The following DTNB variants were observed in gnomAD, a reference collection of about 807,000 sequenced individuals.
DTNB encodes the protein dystrobrevin beta.
A neutral mutation model predicts 90.7 loss-of-function variants in DTNB; 63 were observed. The observed-to-expected ratio is 0.69, with a 90% CI of 0.57 to 0.86. DTNB has a LOEUF of 0.86. Ranked by LOEUF, DTNB falls within the 40% of genes least tolerant of loss-of-function variation. DTNB has a pLI of 0.00. For missense variants in DTNB, 744 were observed against 807.1 expected (o/e 0.92, Z 0.95); for synonymous variants, 277 against 286.7 (o/e 0.97, Z 0.34).
intron 9 of DTNB, among the ~76,000 whole-genome samples, chr2:25,525,328 C>G (rs987609091): frequency 4.6e-5 from 7 of 152,154 alleles, no homozygotes; most frequent in Non-Finnish European, 7.4e-5. Context: ...ACAGTTTTAT[C>G]TACAATGTTT....
intron 8 of DTNB, among the ~76,000 whole-genome samples, chr2:25,542,562 C>T (rs1166883093): frequency 6.6e-6 from 1 of 152,158 alleles, no homozygotes; most frequent in Non-Finnish European, 1.5e-5. Context: ...CTCATTACTT[C>T]CTACAGAATC....
Position 25,628,312 on chromosome 2 carries a change from GT to G in DTNB, c.220del (p.Thr74ProfsTer19). 1 of 1,613,732 alleles carries G rather than the reference GT, an allele frequency of 6.2e-7. No homozygotes were observed. On this transcript the variant is annotated frameshift_variant, in exon 4 of 21. Transcript: ENST00000406818. LOFTEE classifies it high-confidence loss of function. Reference protein sequence around the residue: ...DNGLNTLDHTTEISVSRLETV... With the variant: ...DNGLNTLDHTXEISVSRLETV... ...TTCGAGGCGGGACACACTGATCTCG[GT>G]GGTATGGTCCAGTGTATTAAGGCCA...
At chr2:25,589,209 C>A (rs1052324087) in intron 6 of DTNB, among the ~76,000 whole-genome samples, 1 of 152,120 alleles carries the variant, frequency 6.6e-6, no homozygotes, top group Non-Finnish European at 1.5e-5. Context: ...ACAATTGCCA[C>A]TGCCTCCGTG....
intron 16 of DTNB, among the ~76,000 whole-genome samples, chr2:25,403,138 CAG>C (rs1377301540): frequency 6.6e-6 from 1 of 152,048 alleles, no homozygotes; most frequent in African/African-American, 2.4e-5. Flanking sequence ...TTTTTTGAGA[CAG>C]AGTCTTGCTC....
At chr2:25,638,571 C>T (rs1343533384) in intron 3 of DTNB, among the ~76,000 whole-genome samples, 1 of 152,168 alleles carries the variant, frequency 6.6e-6, no homozygotes, top group East Asian at 1.9e-4. Context: ...CAGACACACA[C>T]ACACTTTATT....
At chr2:25,618,194 T>C (rs1354509786) in intron 4 of DTNB, among the ~76,000 whole-genome samples, 2 of 152,096 alleles carry the variant, frequency 1.3e-5, no homozygotes, top group South Asian at 2.1e-4. Context: ...AGAGGAAGCA[T>C]TACTTTTGCT....
intron 2 of DTNB, among the ~76,000 whole-genome samples, chr2:25,647,737 G>A (rs2079824720): frequency 1.3e-5 from 2 of 150,596 alleles, no homozygotes; most frequent in Non-Finnish European, 3.0e-5. Context: ...CCAACCAACT[G>A]ATCAATAAAA....
At chr2:25,481,741 T>C (rs1378199201) in intron 10 of DTNB, 1 of 152,242 alleles carries the variant, frequency 6.6e-6, no homozygotes, top group East Asian at 1.9e-4. Context: ...ACTTGCTTGA[T>C]GATAAGAATC....
chr2:25,557,955 CAAG>C (rs1055119649), intron 8 of DTNB, among the ~76,000 whole-genome samples: 1 of 152,116 alleles, frequency 6.6e-6, no homozygotes, highest in Admixed American at 6.5e-5. Context: ...TTAACCTAAA[CAAG>C]AAGAACGAGC....
At chr2:25,570,587 C>T (rs2059719052) in intron 8 of DTNB, among the ~76,000 whole-genome samples, 1 of 152,168 alleles carries the variant, frequency 6.6e-6, no homozygotes, top group Non-Finnish European at 1.5e-5. Context: ...CATTGTTAGA[C>T]AAAGGGTCAG....
chr2:25,535,911 T>A (rs113776453), intron 8 of DTNB, among the ~76,000 whole-genome samples: 6,995 of 111,784 alleles, frequency 0.063, 286 homozygotes, highest in Non-Finnish European at 0.085. Flanking sequence ...TCACCTCCCA[T>A]TCGGGACAGC....
rs1245745385 is a variant in DTNB, at chr2:25,648,532, TA to T, written c.67+4061del. 6.6e-5 allele frequency among the ~76,000 whole-genome samples: 10 copies of T among 152,286 alleles called. No homozygotes were observed. The South Asian group carries it at 1.4e-3, about 22-fold the overall frequency. On this transcript the variant is annotated intron_variant, in intron 2 of 20. Transcript: ENST00000406818. ...ACCCCCTGAATCTAAAAGTTACAAT[TA>T]TTTTTTTAAAAAGAGCTCCAAAAGG...
chr2:25,455,126 T>C (rs2059814015), intron 11 of DTNB, among the ~76,000 whole-genome samples: 1 of 152,134 alleles, frequency 6.6e-6, no homozygotes, highest in Admixed American at 6.6e-5. Context: ...CGATCCCTCA[T>C]AGGTTTATAT....
chr2:25,645,849 T>G (rs1004536135), intron 2 of DTNB, among the ~76,000 whole-genome samples: 3 of 152,210 alleles, frequency 2.0e-5, no homozygotes, highest in African/African-American at 7.2e-5. Flanking sequence ...ATAAGCTATA[T>G]TTTAATTGAT....
chr2:25,388,317 G>A lies in DTNB; in HGVS notation c.1620C>T (p.Gly540=), dbSNP rs748755697. ...GCACTGGCATGGGCATTGGCCGGCC[G>A]CCTCCATGGGTGGGCGATGTATGTG... ...GSPHTSPTHG[G]GRPMPMPVRS... Residue 540 remains glycine (G), a synonymous_variant, in exon 17 of 21, where the codon GGC becomes GGT. Coordinates refer to ENST00000406818, the MANE Select transcript of DTNB (RefSeq NM_021907.5). 24 of 1,613,028 alleles carry A rather than the reference G, an allele frequency of 1.5e-5. No homozygotes were observed. The Admixed American group carries it at 2.8e-4, about 19-fold the overall frequency.
chr2:25,431,205 A>T (rs1041738527), intron 14 of DTNB, among the ~76,000 whole-genome samples: 8 of 147,778 alleles, frequency 5.4e-5, no homozygotes, highest in African/African-American at 1.2e-4. Flanking sequence ...TTCTTCTAGA[A>T]TTTTTTTTTT....
intron 4 of DTNB, among the ~76,000 whole-genome samples, chr2:25,623,347 AG>A (rs1437923890): frequency 3.9e-5 from 6 of 152,202 alleles, no homozygotes; most frequent in Admixed American, 2.6e-4. Flanking sequence ...TTGATTCCAG[AG>A]GGGGAAGCAA....
At chr2:25,669,879 T>C (rs914663941) in intron 1 of DTNB, among the ~76,000 whole-genome samples, 6 of 150,510 alleles carry the variant, frequency 4.0e-5, no homozygotes, top group Non-Finnish European at 7.4e-5. Flanking sequence ...CACTCCAGTC[T>C]GGGCGACAGA....
chr2:25,465,248 C>T (rs909678109), intron 10 of DTNB, among the ~76,000 whole-genome samples: 3 of 151,872 alleles, frequency 2.0e-5, no homozygotes, highest in Admixed American at 6.6e-5. Flanking sequence ...TGGTGGCGGG[C>T]GCCTGTAGTC....
Sources: allele counts gnomAD v4.1 joint callset (sites outside exome capture counted in the v4.1 genomes callset), GRCh38; gene constraint gnomAD v4.1.1; transcripts MANE v1.5; gene names NCBI Gene and HGNC (gene_info 2026-07-23, HGNC 2026-07-21).